The following LHFPL1 variants were observed in gnomAD, a reference collection of about 807,000 sequenced individuals.
The protein encoded by LHFPL1 is LHFPL tetraspan subfamily member 1 protein.
In LHFPL1, 4 loss-of-function variants were observed where a neutral mutation model predicts 12.1. The ratio of observed to expected loss-of-function variants is 0.33; its 90% CI spans 0.16 to 0.76. LHFPL1 has a LOEUF of 0.76. Ranked by LOEUF, LHFPL1 falls within the 30% of genes least tolerant of loss-of-function variation. LHFPL1 has a pLI of 0.61. For missense variants in LHFPL1, 141 were observed against 174.1 expected (o/e 0.81, Z 1.07); for synonymous variants, 52 against 61.9 (o/e 0.84, Z 0.75).
chrX:112,632,832 T>A (rs1930227897), intron 3 of LHFPL1, among the ~76,000 whole-genome samples: 1 of 111,450 alleles, frequency 9.0e-6, no homozygotes, highest in Non-Finnish European at 1.9e-5. Context: ...GCCTAATTTA[T>A]CCCCACATTT....
chrX:112,636,954 T>C (rs1240612273), intron 3 of LHFPL1, among the ~76,000 whole-genome samples: 1 of 111,539 alleles, frequency 9.0e-6, no homozygotes, highest in Non-Finnish European at 1.9e-5. Context: ...TCTATATCCA[T>C]GCATGGGTGT....
At chrX:112,656,388 T>C (rs1483952325) in intron 3 of LHFPL1, among the ~76,000 whole-genome samples, 1 of 84,996 alleles carries the variant, frequency 1.2e-5, no homozygotes, top group Admixed American at 1.1e-4. Flanking sequence ...CCTCCATCTA[T>C]TAAAAAAAAA....
chrX:112,675,251 C>A (rs1931625893), intron 1 of LHFPL1, among the ~76,000 whole-genome samples: 1 of 110,898 alleles, frequency 9.0e-6, no homozygotes, highest in African/African-American at 3.3e-5. Flanking sequence ...CACCTGTACC[C>A]CCAATAACTT....
chrX:112,630,908 C>G lies in LHFPL1; in HGVS notation c.*512G>C, dbSNP rs767682602. 1 of 111,679 alleles carries G rather than the reference C, an allele frequency of 9.0e-6. No homozygotes were observed. Among genetic ancestry groups the G allele is most frequent in the Non-Finnish European group, 1.9e-5 (1 of 53,221 alleles). The allele number at this position is 111,679 out of a possible 1,213,427, so 9.2% of individuals were successfully genotyped here. Reference sequence around the variant, plus strand: ...CCCACCACTGGGAATCACCCTCCCCCGCTCCCCTGAAGCTTCCCCACAAGG... The same window carrying G: ...CCCACCACTGGGAATCACCCTCCCCGGCTCCCCTGAAGCTTCCCCACAAGG... On this transcript the variant is annotated 3_prime_UTR_variant, in exon 4 of 4. Transcript: ENST00000371968.
At chrX:112,665,354 CTAA>C (rs1433711467) in intron 2 of LHFPL1, among the ~76,000 whole-genome samples, 1 of 111,029 alleles carries the variant, frequency 9.0e-6, no homozygotes, top group Non-Finnish European at 1.9e-5. Context: ...TCACACCTGA[CTAA>C]TGTTTGTATT....
rs1433951612 is a variant in LHFPL1 at position 112,631,180 on chromosome X, C to T, written c.*240G>A. The T allele has an allele frequency of 2.3e-5, 7 of 302,538 alleles. No individual in the cohort carries two copies. Among genetic ancestry groups the T allele is most frequent in the African/African-American group, 1.3e-4 (5 of 37,527 alleles). The allele number at this position is 302,538 out of a possible 1,213,427, so 24.9% of individuals were successfully genotyped here. On this transcript the variant is annotated 3_prime_UTR_variant, in exon 4 of 4. Transcript: ENST00000371968. ...TGCATAAAGGGGTACTTTGGGTCTT[C>T]GGGTTAGCACGACTTGCCAGTTGGG...
chrX:112,652,331 G>A (rs1212656274), intron 3 of LHFPL1, among the ~76,000 whole-genome samples: 1 of 111,835 alleles, frequency 8.9e-6, no homozygotes, highest in African/African-American at 3.3e-5. Flanking sequence ...CCTACGGTGT[G>A]TGATCTTGGC....
intron 2 of LHFPL1, among the ~76,000 whole-genome samples, chrX:112,661,281 T>G (rs1235069842): frequency 9.0e-6 from 1 of 111,275 alleles, no homozygotes; most frequent in African/African-American, 3.3e-5. Context: ...CCTTACACCA[T>G]GACGCCTTAC....
intron 3 of LHFPL1, among the ~76,000 whole-genome samples, chrX:112,635,300 C>T: frequency 8.9e-6 from 1 of 112,629 alleles, no homozygotes; most frequent in East Asian, 2.8e-4. Context: ...CTCATAACAG[C>T]CATGATTATT....
chrX:112,670,920 G>T, intron 2 of LHFPL1, 89 bp downstream of exon 2: 1 of 991,852 alleles, frequency 1.0e-6, no homozygotes, highest in Non-Finnish European at 1.4e-6. Context: ...TGAAGGGGGT[G>T]AGAATGGGTT....
intron 1 of LHFPL1, among the ~76,000 whole-genome samples, chrX:112,675,365 A>G (rs903228095): frequency 2.7e-5 from 3 of 111,338 alleles, no homozygotes; most frequent in Non-Finnish European, 5.6e-5. Flanking sequence ...TGCCGTGACT[A>G]CAGTAGAAAT....
chrX:112,664,179 G>C (rs1292451600), intron 2 of LHFPL1, among the ~76,000 whole-genome samples: 1 of 112,194 alleles, frequency 8.9e-6, no homozygotes, highest in African/African-American at 3.2e-5. Flanking sequence ...AAATATTTTT[G>C]AGTTATGGTT....
chrX:112,631,052 A>G lies in LHFPL1; in HGVS notation c.*368T>C, dbSNP rs1186257463. The G allele has an allele frequency of 7.7e-6, 1 of 130,405 alleles. No homozygotes were observed. 10.7% of individuals were successfully genotyped at this position (130,405 alleles called of 1,213,427 possible). A position where few individuals can be genotyped will look rare whatever the true frequency, so the allele number is the denominator to read the frequency against. ...GGTGACAATAAATACTTGGGAATGA[A>G]CTGATGAACTGTGTGAATGGAGTGG... On this transcript the variant is annotated 3_prime_UTR_variant, in exon 4 of 4. Transcript: ENST00000371968.
intron 3 of LHFPL1, among the ~76,000 whole-genome samples, chrX:112,655,280 G>A (rs933158046): frequency 8.9e-6 from 1 of 111,960 alleles, no homozygotes; most frequent in Non-Finnish European, 1.9e-5. Flanking sequence ...TGAAGATTTG[G>A]GGAATAGGAA....
At chrX:112,657,357 C>T (rs1290485393) in intron 3 of LHFPL1, among the ~76,000 whole-genome samples, 3 of 111,827 alleles carry the variant, frequency 2.7e-5, no homozygotes, top group Non-Finnish European at 5.6e-5. Flanking sequence ...ATTAAGGTAG[C>T]AATACTCCCC....
chrX:112,632,458 A>G (rs1342568559), intron 3 of LHFPL1, among the ~76,000 whole-genome samples: 1 of 111,702 alleles, frequency 9.0e-6, no homozygotes, highest in Non-Finnish European at 1.9e-5. Context: ...TTTACAAGGT[A>G]TCAAAGTGGC....
chrX:112,645,890 T>C (rs769110655), intron 3 of LHFPL1, among the ~76,000 whole-genome samples: 107 of 111,713 alleles, frequency 9.6e-4, no homozygotes, highest in African/African-American at 3.3e-3. Flanking sequence ...CTCCCTCTTG[T>C]TGAATGGGTG....
chrX:112,671,911 G>A (rs771989594), intron 1 of LHFPL1, among the ~76,000 whole-genome samples: 8 of 111,516 alleles, frequency 7.2e-5, no homozygotes, highest in Admixed American at 9.5e-5. Context: ...ATCAAGACCC[G>A]CCCCTACTAT....
chrX:112,668,909 T>C (rs1254290242), intron 2 of LHFPL1, among the ~76,000 whole-genome samples: 1 of 112,262 alleles, frequency 8.9e-6, no homozygotes, highest in Non-Finnish European at 1.9e-5. Flanking sequence ...TGCTAGGCTT[T>C]CTGATTCCTG....
Sources: allele counts gnomAD v4.1 joint callset (sites outside exome capture counted in the v4.1 genomes callset), GRCh38; gene constraint gnomAD v4.1.1; transcripts MANE v1.5; gene names NCBI Gene and HGNC (gene_info 2026-07-23, HGNC 2026-07-21).